KCNQ1OT1: variants seen among roughly 807,000 people sequenced by gnomAD.
The protein encoded by KCNQ1OT1 is KCNQ1 antisense RNA 2 (non-protein coding).
rs564735871 is a variant in KCNQ1OT1, at chr11:2,617,529, C to T, written n.82466G>A. ...TATAATGCCACAATGAATATAGGAG[C>T]GCAGATATCTTTATGAGGTGGAGAT... On this transcript the variant is annotated non_coding_transcript_exon_variant, in exon 1 of 1. Coordinates refer to ENST00000597346, the Ensembl canonical transcript of KCNQ1OT1. This position sits in a 1 kb window ranked among gnomAD's most constrained non-coding sequence, Gnocchi z 4.6. 68 of 398,330 alleles carry T rather than the reference C, an allele frequency of 1.7e-4. No homozygotes were observed. The highest frequency in any genetic ancestry group is 8.2e-4 in the African/African-American group (40 of 48,694). 24.7% of individuals were successfully genotyped at this position (398,330 alleles called of 1,614,324 possible). A position where few individuals can be genotyped will look rare whatever the true frequency, so the allele number is the denominator to read the frequency against.
exon 1 of KCNQ1OT1, chr11:2,638,316 T>C (rs930542667): frequency 6.6e-6 from 1 of 152,234 alleles, no homozygotes; most frequent in African/African-American, 2.4e-5. Context: ...CTGGTACCAA[T>C]TGTTCCTTTC....
chr11:2,676,402 G>T lies in KCNQ1OT1; in HGVS notation n.23593C>A. On this transcript the variant is annotated non_coding_transcript_exon_variant, in exon 1 of 1. Transcript: ENST00000597346. This position sits in a 1 kb window ranked among gnomAD's most constrained non-coding sequence, Gnocchi z 4.2. ...AGCATAGTCTCTGTGTTCAGCTAGAGATTTAGCCCAATGGGCTGGGCTTTT... is the reference window on the plus strand; with the variant it reads ...AGCATAGTCTCTGTGTTCAGCTAGATATTTAGCCCAATGGGCTGGGCTTTT... 1 of 398,682 alleles carries T rather than the reference G, an allele frequency of 2.5e-6. No homozygotes were observed. 24.7% of individuals were successfully genotyped at this position (398,682 alleles called of 1,614,324 possible).
exon 1 of KCNQ1OT1, chr11:2,646,496 G>T: frequency 2.5e-6 from 1 of 398,500 alleles, no homozygotes; most frequent in Non-Finnish European, 4.4e-6. Context: ...TGGCTAATTT[G>T]CTGTTTCACA....
Position 2,698,629 on chromosome 11 carries a change from A to T in KCNQ1OT1, n.1366T>A. On this transcript the variant is annotated non_coding_transcript_exon_variant, in exon 1 of 1. Transcript: ENST00000597346. This position sits in a 1 kb window ranked among gnomAD's most constrained non-coding sequence, Gnocchi z 5.1. ...AATTCCTGACTCCCATACCCCACTG[A>T]GACCTCTAACCCCAATCCCAATCTC... 1 of 398,450 alleles carries T rather than the reference A, an allele frequency of 2.5e-6. No homozygotes were observed. The highest frequency in any genetic ancestry group is 4.4e-6 in the Non-Finnish European group (1 of 226,024). The allele number at this position is 398,450 out of a possible 1,614,324, so 24.7% of individuals were successfully genotyped here.
Position 2,658,771 on chromosome 11 carries a change from A to G in KCNQ1OT1, n.41224T>C. ...AAGCTAACCATGAGTTCATACTGAC[A>G]TTTCTGACCAGAGTTCATCCTTGCC... On this transcript the variant is annotated non_coding_transcript_exon_variant, in exon 1 of 1. Transcript: ENST00000597346. The surrounding 1 kb of genome is among the most constrained non-coding windows in gnomAD (Gnocchi z 4.9). The G allele has an allele frequency of 2.5e-6, 1 of 398,510 alleles. No individual in the cohort carries two copies. The allele number at this position is 398,510 out of a possible 1,614,324, so 24.7% of individuals were successfully genotyped here. A position where few individuals can be genotyped will look rare whatever the true frequency, so the allele number is the denominator to read the frequency against.
rs529821314 is a variant in KCNQ1OT1 at position 2,657,666 on chromosome 11, C to A, written n.42329G>T. On this transcript the variant is annotated non_coding_transcript_exon_variant, in exon 1 of 1. Transcript: ENST00000597346. The surrounding 1 kb of genome is among the most constrained non-coding windows in gnomAD (Gnocchi z 4.8). ...ATTTATTTGGATTTCCCCAGTTTAA[C>A]TACTAATGTCCTTTTTCTGTTCCAA... The A allele has an allele frequency of 2.5e-6, 1 of 398,620 alleles. No individual in the cohort carries two copies. Among genetic ancestry groups the A allele is most frequent in the South Asian group, 1.3e-4 (1 of 7,862 alleles). The allele number at this position is 398,620 out of a possible 1,614,324, so 24.7% of individuals were successfully genotyped here.
At chr11:2,662,518 G>A in exon 1 of KCNQ1OT1, 1 of 426,616 alleles carries the variant, frequency 2.3e-6, no homozygotes, top group African/African-American at 2.0e-5. Context: ...TTCAGGTGGA[G>A]GAAATGGCTG....
chr11:2,646,880 A>G (rs972534213), exon 1 of KCNQ1OT1: 2 of 398,606 alleles, frequency 5.0e-6, no homozygotes, highest in Non-Finnish European at 8.8e-6. Flanking sequence ...ACCAGTTCTA[A>G]AAGATTTTGG....
chr11:2,624,926 T>G lies in KCNQ1OT1; in HGVS notation n.75069A>C. 1 of 398,606 alleles carries G rather than the reference T, an allele frequency of 2.5e-6. No individual in the cohort carries two copies. The highest frequency in any genetic ancestry group is 4.4e-6 in the Non-Finnish European group (1 of 226,076). 24.7% of individuals were successfully genotyped at this position (398,606 alleles called of 1,614,324 possible). A position where few individuals can be genotyped will look rare whatever the true frequency, so the allele number is the denominator to read the frequency against. On this transcript the variant is annotated non_coding_transcript_exon_variant, in exon 1 of 1. Transcript: ENST00000597346. This position sits in a 1 kb window ranked among gnomAD's most constrained non-coding sequence, Gnocchi z 4.9. ...TGGCATGTGTCAAAATTTCTATTTT[T>G]TTTAAAGCTGAATAATATTACATTG...
rs1467137636 is a variant in KCNQ1OT1, at chr11:2,658,795, C to T, written n.41200G>A. On this transcript the variant is annotated non_coding_transcript_exon_variant, in exon 1 of 1. Coordinates refer to ENST00000597346, the Ensembl canonical transcript of KCNQ1OT1. This position sits in a 1 kb window ranked among gnomAD's most constrained non-coding sequence, Gnocchi z 4.9. ...CATTTCTGACCAGAGTTCATCCTTGCCCCCTCCCCCACAACTTATTTATAG... is the reference window on the plus strand; with the variant it reads ...CATTTCTGACCAGAGTTCATCCTTGTCCCCTCCCCCACAACTTATTTATAG... The T allele has an allele frequency of 5.0e-6, 2 of 398,378 alleles. No individual in the cohort carries two copies. The highest frequency in any genetic ancestry group is 7.1e-5 in the East Asian group (2 of 28,080). The allele number at this position is 398,378 out of a possible 1,614,324, so 24.7% of individuals were successfully genotyped here.
Position 2,646,437 on chromosome 11 carries a change from C to CT in KCNQ1OT1, n.53557dup, listed in dbSNP as rs1031412494. On this transcript the variant is annotated non_coding_transcript_exon_variant, in exon 1 of 1. Coordinates refer to ENST00000597346, the Ensembl canonical transcript of KCNQ1OT1. ...CTTTCACCTCCTTGGTTAAGCTTTGCTTTTTTTTGTAGCTATTGCAAATGG... is the reference window on the plus strand; with the variant it reads ...CTTTCACCTCCTTGGTTAAGCTTTGCTTTTTTTTTGTAGCTATTGCAAATGG... The CT allele has an allele frequency of 1.1e-3, 429 of 398,306 alleles. 2 individuals carry two copies. The highest frequency in any genetic ancestry group is 1.7e-3 in the Non-Finnish European group (377 of 225,992). The allele number at this position is 398,306 out of a possible 1,614,324, so 24.7% of individuals were successfully genotyped here.
At position 2,691,024 on chromosome 11, in the gene KCNQ1OT1, G is replaced by T. The variant is rs1850579481; in HGVS notation, n.8971C>A. The T allele has an allele frequency of 2.5e-6, 1 of 398,658 alleles. No homozygotes were observed. Among genetic ancestry groups the T allele is most frequent in the Non-Finnish European group, 4.4e-6 (1 of 226,080 alleles). 24.7% of individuals were successfully genotyped at this position (398,658 alleles called of 1,614,324 possible). A position where few individuals can be genotyped will look rare whatever the true frequency, so the allele number is the denominator to read the frequency against. ...GGGCAAAAGCTCTGGGTGAACTCTT[G>T]GCTCAGGTATCAGGATATGCTGGGT... On this transcript the variant is annotated non_coding_transcript_exon_variant, in exon 1 of 1. Coordinates refer to ENST00000597346, the Ensembl canonical transcript of KCNQ1OT1. This position sits in a 1 kb window ranked among gnomAD's most constrained non-coding sequence, Gnocchi z 6.4.
At chr11:2,622,778 T>C in exon 1 of KCNQ1OT1, 3 of 398,600 alleles carry the variant, frequency 7.5e-6, no homozygotes, top group Non-Finnish European at 1.3e-5. Context: ...AGTACAGAGA[T>C]TTCCCGTATA....
exon 1 of KCNQ1OT1, chr11:2,630,798 T>C: frequency 1.0e-5 from 4 of 398,498 alleles, no homozygotes; most frequent in Non-Finnish European, 1.3e-5. Context: ...AACTTTTGTT[T>C]ACCTGAGGAA....
At chr11:2,699,298 T>C (rs1156593763) in exon 1 of KCNQ1OT1, 1 of 398,876 alleles carries the variant, frequency 2.5e-6, no homozygotes, top group African/African-American at 2.1e-5. Flanking sequence ...ACGCCTGTGA[T>C]CTGGGACGGC....
Position 2,626,441 on chromosome 11 carries a change from AT to A in KCNQ1OT1, n.73553del. 2.5e-6 allele frequency: 1 copy of A among 398,572 alleles called. No individual in the cohort carries two copies. The highest frequency in any genetic ancestry group is 3.6e-5 in the East Asian group (1 of 28,070). The allele number at this position is 398,572 out of a possible 1,614,324, so 24.7% of individuals were successfully genotyped here. A position where few individuals can be genotyped will look rare whatever the true frequency, so the allele number is the denominator to read the frequency against. ...CATTTGATCATGTATACAAGGGTTT[AT>A]TTTTGGGCTCTCTATTCAATTCCAT... On this transcript the variant is annotated non_coding_transcript_exon_variant, in exon 1 of 1. Coordinates refer to ENST00000597346, the Ensembl canonical transcript of KCNQ1OT1. The surrounding 1 kb of genome is among the most constrained non-coding windows in gnomAD (Gnocchi z 4.0).
rs554844944 is a variant in KCNQ1OT1, at chr11:2,624,331, A to G, written n.75664T>C. 1.5e-5 allele frequency: 6 copies of G among 398,530 alleles called. No homozygotes were observed. Among genetic ancestry groups the G allele is most frequent in the East Asian group, 3.6e-5 (1 of 28,048 alleles). 24.7% of individuals were successfully genotyped at this position (398,530 alleles called of 1,614,324 possible). On this transcript the variant is annotated non_coding_transcript_exon_variant, in exon 1 of 1. Coordinates refer to ENST00000597346, the Ensembl canonical transcript of KCNQ1OT1. This position sits in a 1 kb window ranked among gnomAD's most constrained non-coding sequence, Gnocchi z 4.9. ...ATTTTGGATGAGTCCTTTATCAGGT[A>G]TATCTTTTACAAGTATTGTCTCCCT...
At chr11:2,699,613 G>GGGACAACCGCGCCGA (rs1481703658) in exon 1 of KCNQ1OT1, 4 of 352,860 alleles carry the variant, frequency 1.1e-5, no homozygotes, top group Non-Finnish European at 2.0e-5. Context: ...GAGGCCCCCG[G>GGGACAACCGCGCCGA]AGAGAACCGC....
rs1241681487 is a variant in KCNQ1OT1, at chr11:2,664,550, G to A, written n.35445C>T. 2 of 398,618 alleles carry A rather than the reference G, an allele frequency of 5.0e-6. No homozygotes were observed. Among genetic ancestry groups the A allele is most frequent in the East Asian group, 3.6e-5 (1 of 28,084 alleles). 24.7% of individuals were successfully genotyped at this position (398,618 alleles called of 1,614,324 possible). A position where few individuals can be genotyped will look rare whatever the true frequency, so the allele number is the denominator to read the frequency against. Reference sequence around the variant, plus strand: ...CCAAACCGCCTGGCGGCAGGGGTGTGGGGGCCGTGCAGGTCTTCTGCCCGC... The same window carrying A: ...CCAAACCGCCTGGCGGCAGGGGTGTAGGGGCCGTGCAGGTCTTCTGCCCGC... On this transcript the variant is annotated non_coding_transcript_exon_variant, in exon 1 of 1. Coordinates refer to ENST00000597346, the Ensembl canonical transcript of KCNQ1OT1. This position sits in a 1 kb window ranked among gnomAD's most constrained non-coding sequence, Gnocchi z 5.1.
Sources: gnomAD v4.1 joint callset for allele counts on GRCh38, gnomAD v4.1.1 for gene constraint, Gnocchi (gnomAD v3.1) non-coding constraint, MANE v1.5 for transcripts, NCBI Gene and HGNC (gene_info 2026-07-23, HGNC 2026-07-21) for gene names.